Variants in SLC35D1 observed in about 807,000 individuals in gnomAD.
The protein encoded by SLC35D1 is solute carrier family 35 member D1, also known as nucleotide sugar transporter SLC35D1.
SLC35D1 carries 31 observed loss-of-function variants against 46.7 expected under a neutral mutation model. That is an observed-to-expected ratio of 0.66 (90% confidence interval 0.50 to 0.90). The LOEUF (loss-of-function observed/expected upper bound fraction) is 0.90. Among genes scored for constraint, SLC35D1 ranks in the 40% least tolerant of loss-of-function variants. SLC35D1 has a pLI of 0.00. For synonymous variants in SLC35D1, 195 were observed against 164.6 expected (o/e 1.18, Z -1.41); for missense variants, 397 against 426.2 (o/e 0.93, Z 0.60).
chr1:66,994,686 T>G (rs1003436579), downstream of SLC35D1, among the ~76,000 whole-genome samples: 16 of 151,342 alleles, frequency 1.1e-4, no homozygotes, highest in Non-Finnish European at 2.1e-4. Context: ...TGATAATGGG[T>G]GAAGTCTATT....
chr1:66,994,950 T>A (rs1372691215), downstream of SLC35D1, among the ~76,000 whole-genome samples: 12 of 150,690 alleles, frequency 8.0e-5, no homozygotes, highest in South Asian at 2.1e-3. Context: ...GAAACAACTT[T>A]AAAAAAAAGA....
At chr1:67,010,439 C>T (rs1046280886) in intron 10 of SLC35D1, among the ~76,000 whole-genome samples, 1 of 152,194 alleles carries the variant, frequency 6.6e-6, no homozygotes, top group African/African-American at 2.4e-5. Flanking sequence ...CTTAAGAAAA[C>T]ACATGGGAAG....
At chr1:66,984,758 A>C in the SLC35D1 span, 2 of 1,614,046 alleles carry the variant, frequency 1.2e-6, no homozygotes, top group Non-Finnish European at 1.7e-6. Context: ...AGAAATGAAA[A>C]TGATTTTGAT....
At chr1:67,013,527 GCAA>G in intron 10 of SLC35D1, among the ~76,000 whole-genome samples, 1 of 152,054 alleles carries the variant, frequency 6.6e-6, no homozygotes, top group Non-Finnish European at 1.5e-5. Flanking sequence ...TAAAGCCTGG[GCAA>G]CAGAGTGAGA....
chr1:67,020,244 T>C, intron 10 of SLC35D1, 125 bp downstream of exon 10: 1 of 695,270 alleles, frequency 1.4e-6, no homozygotes, highest in African/African-American at 1.8e-5. Context: ...CCACAATTTG[T>C]CAAACTAAGA....
chr1:67,017,117 C>T (rs1667700879), intron 10 of SLC35D1, among the ~76,000 whole-genome samples: 1 of 152,026 alleles, frequency 6.6e-6, no homozygotes. Flanking sequence ...TTAAAAAGTT[C>T]CAATAAAACT....
At chr1:67,023,138 C>G (rs56774527) in intron 8 of SLC35D1, among the ~76,000 whole-genome samples, 29,555 of 152,082 alleles carry the variant, frequency 0.19, 5,336 homozygotes, top group African/African-American at 0.49. Flanking sequence ...TTGAACCTTC[C>G]GTTACAAGTC....
intron 8 of SLC35D1, among the ~76,000 whole-genome samples, chr1:67,026,956 A>G (rs937688259): frequency 6.6e-6 from 1 of 152,172 alleles, no homozygotes; most frequent in African/African-American, 2.4e-5. Context: ...ACTGCCCCCC[A>G]TGATTCAATT....
intron 8 of SLC35D1, among the ~76,000 whole-genome samples, chr1:67,033,485 T>TTTAGCAC (rs1289295182): frequency 6.6e-6 from 1 of 152,206 alleles, no homozygotes; most frequent in Non-Finnish European, 1.5e-5. Context: ...ATCAACAATG[T>TTTAGCAC]TTAGCACTTT....
At chr1:67,032,055 C>A in intron 8 of SLC35D1, 1 of 985,390 alleles carries the variant, frequency 1.0e-6, no homozygotes, top group Non-Finnish European at 1.2e-6. Flanking sequence ...CAGAACTAAA[C>A]AGGCTCTCTG....
intron 9 of SLC35D1, among the ~76,000 whole-genome samples, chr1:67,020,809 A>T (rs951540319): frequency 1.3e-5 from 2 of 152,212 alleles, no homozygotes; most frequent in Non-Finnish European, 2.9e-5. Flanking sequence ...TAAGGACAAC[A>T]TGTCCTCTGG....
intron 4 of SLC35D1, among the ~76,000 whole-genome samples, chr1:67,051,455 G>A (rs1008180716): frequency 3.3e-5 from 5 of 152,218 alleles, no homozygotes; most frequent in Middle Eastern, 3.2e-3. Flanking sequence ...GAAAGACAGT[G>A]TTACCATGGA....
chr1:67,014,558 CAAATT>C (rs1188401402), intron 10 of SLC35D1, among the ~76,000 whole-genome samples: 7 of 150,774 alleles, frequency 4.6e-5, no homozygotes, highest in Admixed American at 4.6e-4. Flanking sequence ...TTAGTACTCA[CAAATT>C]AAATAGGCCC....
chr1:67,038,458 G>C (rs540869945), intron 8 of SLC35D1, among the ~76,000 whole-genome samples: 111 of 152,166 alleles, frequency 7.3e-4, no homozygotes, highest in African/African-American at 2.6e-3. Context: ...CAAGTGGTCT[G>C]TTCTTCCATC....
At position 67,000,421 on chromosome 1, in the gene SLC35D1, G is replaced by A. The variant is rs149970436; in HGVS notation, c.*3919C>T. 1,132 of 151,732 alleles carry A rather than the reference G, an allele frequency of 7.5e-3. 20 individuals carry two copies. Among genetic ancestry groups the A allele is most frequent in the Non-Finnish European group, 7.8e-3 (531 of 67,980 alleles). 9.4% of individuals were successfully genotyped at this position (151,732 alleles called of 1,614,324 possible). On this transcript the variant is annotated 3_prime_UTR_variant, in exon 12 of 12. Transcript: ENST00000235345. Reference sequence around the variant, plus strand: ...AAATAGGTAGAATCACCTGCATCATGTAATGGCCGTAATTGTGTCCAGCAG... The same window carrying A: ...AAATAGGTAGAATCACCTGCATCATATAATGGCCGTAATTGTGTCCAGCAG...
intron 10 of SLC35D1, among the ~76,000 whole-genome samples, chr1:67,016,603 CT>C (rs1197675590): frequency 5.9e-5 from 9 of 151,880 alleles, no homozygotes; most frequent in Admixed American, 3.9e-4. Context: ...AGTCAAAAAA[CT>C]TTTTTTTCTT....
At chr1:67,009,786 A>G (rs1452869270) in intron 10 of SLC35D1, among the ~76,000 whole-genome samples, 1 of 152,234 alleles carries the variant, frequency 6.6e-6, no homozygotes, top group Non-Finnish European at 1.5e-5. Context: ...CATTTATCAA[A>G]GAACTTAAAA....
intron 10 of SLC35D1, among the ~76,000 whole-genome samples, chr1:67,010,081 G>A (rs899284853): frequency 4.6e-5 from 7 of 152,132 alleles, no homozygotes; most frequent in Admixed American, 1.3e-4. Flanking sequence ...AACTAACACA[G>A]GAACAGAAAA....
rs1160640930 is a variant in SLC35D1 at position 67,003,441 on chromosome 1, G to A, written c.*899C>T. ...GCAGGTGTTCTTAATCCAATTTACAGATTTGCGGCTTTTGAGTGCTGAAAC... is the reference window on the plus strand; with the variant it reads ...GCAGGTGTTCTTAATCCAATTTACAAATTTGCGGCTTTTGAGTGCTGAAAC... On this transcript the variant is annotated 3_prime_UTR_variant, in exon 12 of 12. Transcript: ENST00000235345. The A allele has an allele frequency of 1.3e-5, 2 of 152,236 alleles. No homozygotes were observed. The highest frequency in any genetic ancestry group is 2.9e-5 in the Non-Finnish European group (2 of 68,050). 9.4% of individuals were successfully genotyped at this position (152,236 alleles called of 1,614,324 possible). A position where few individuals can be genotyped will look rare whatever the true frequency, so the allele number is the denominator to read the frequency against.
Sources: gnomAD v4.1 joint callset for allele counts (sites outside exome capture counted in the v4.1 genomes callset) on GRCh38, gnomAD v4.1.1 for gene constraint, MANE v1.5 for transcripts, NCBI Gene and HGNC (gene_info 2026-07-23, HGNC 2026-07-21) for gene names.